THSD7A: variants seen among roughly 807,000 people sequenced by gnomAD.
THSD7A encodes the protein thrombospondin type-1 domain-containing protein 7A.
A neutral mutation model predicts 231.3 loss-of-function variants in THSD7A; 96 were observed. The ratio of observed to expected loss-of-function variants is 0.41; its 90% CI spans 0.35 to 0.49. The LOEUF (loss-of-function observed/expected upper bound fraction) is 0.49, where lower values mean the gene tolerates loss of function less well. Among genes scored for constraint, THSD7A ranks in the 20% least tolerant of loss-of-function variants. The probability of loss-of-function intolerance (pLI) is 0.05; values close to 1 mark genes in which losing one functional copy is unlikely to be tolerated. For synonymous variants in THSD7A, 940 were observed against 743.3 expected (o/e 1.26, Z -4.30); for missense variants, 2,290 against 2,070.2 (o/e 1.11, Z -2.06).
chr7:11,790,086 C>A (rs1783904158), intron 1 of THSD7A, among the ~76,000 whole-genome samples: 1 of 151,848 alleles, frequency 6.6e-6, no homozygotes, highest in South Asian at 2.1e-4. Flanking sequence ...AAAAGACATA[C>A]TTTTTGAGGT....
chr7:11,760,965 AATTTATAT>A (rs1400073644), intron 1 of THSD7A, among the ~76,000 whole-genome samples: 4 of 148,130 alleles, frequency 2.7e-5, no homozygotes, highest in Middle Eastern at 3.6e-3. Context: ...TATAAATTAT[AATTTATAT>A]ATTTATATAT....
intron 1 of THSD7A, among the ~76,000 whole-genome samples, chr7:11,812,803 T>A (rs944537379): frequency 1.3e-5 from 2 of 152,176 alleles, no homozygotes; most frequent in Admixed American, 1.3e-4. Context: ...TTTAGGTATA[T>A]CATAACATCA....
At chr7:11,461,868 A>C in intron 10 of THSD7A, 143 bp downstream of exon 10, 1 of 1,049,316 alleles carries the variant, frequency 9.5e-7, no homozygotes, top group Non-Finnish European at 1.4e-6. Flanking sequence ...AGAGACAAGA[A>C]TGGCAGCTAC....
intron 4 of THSD7A, among the ~76,000 whole-genome samples, chr7:11,548,461 A>G (rs2128325220): frequency 6.6e-6 from 1 of 152,236 alleles, no homozygotes; most frequent in East Asian, 1.9e-4. Context: ...TGATCCTACT[A>G]AAACTATTCC....
At chr7:11,507,446 C>T (rs1418894100) in intron 6 of THSD7A, among the ~76,000 whole-genome samples, 1 of 152,014 alleles carries the variant, frequency 6.6e-6, no homozygotes, top group African/African-American at 2.4e-5. Flanking sequence ...TATGCTGAAT[C>T]CATAAATTCA....
intron 6 of THSD7A, among the ~76,000 whole-genome samples, chr7:11,533,778 T>C (rs1445472543): frequency 1.3e-5 from 2 of 152,106 alleles, no homozygotes; most frequent in East Asian, 1.9e-4. Context: ...AGCTAATCCA[T>C]GCAGGACTTA....
Position 11,406,258 on chromosome 7 carries a change from GA to G in THSD7A, c.4237+41del. The G allele has an allele frequency of 6.4e-7, 1 of 1,557,346 alleles. No individual in the cohort carries two copies. Among genetic ancestry groups the G allele is most frequent in the Non-Finnish European group, 8.7e-7 (1 of 1,153,750 alleles). On this transcript the variant is annotated intron_variant, in intron 22 of 27. Transcript: ENST00000423059. This position sits in a 1 kb window ranked among gnomAD's most constrained non-coding sequence, Gnocchi z 4.7. ...AACCCCTTCACGGCCCTTGTCCTAG[GA>G]AAAAATAATCAGAATATGAATTCTC...
intron 1 of THSD7A, among the ~76,000 whole-genome samples, chr7:11,768,930 T>G (rs949245473): frequency 7.7e-5 from 11 of 143,160 alleles, no homozygotes; most frequent in Non-Finnish European, 1.1e-4. Flanking sequence ...CATAATCCAT[T>G]TAATGGTTTT....
At chr7:11,651,539 CT>C (rs1782509517) in intron 1 of THSD7A, among the ~76,000 whole-genome samples, 1 of 151,416 alleles carries the variant, frequency 6.6e-6, no homozygotes. Context: ...CTACAATGAA[CT>C]ATAGCCCACC....
chr7:11,605,142 T>C (rs1388377911), intron 2 of THSD7A, among the ~76,000 whole-genome samples: 2 of 152,116 alleles, frequency 1.3e-5, no homozygotes, highest in South Asian at 4.1e-4. Context: ...AATTGACATA[T>C]TTAAACTCTC....
At chr7:11,679,098 C>T (rs1012792963) in intron 1 of THSD7A, among the ~76,000 whole-genome samples, 7 of 152,092 alleles carry the variant, frequency 4.6e-5, no homozygotes, top group African/African-American at 1.7e-4. Context: ...TGACAAAAAC[C>T]ACATGATTAT....
chr7:11,521,492 A>T (rs1423636975), intron 6 of THSD7A, among the ~76,000 whole-genome samples: 2,074 of 127,296 alleles, frequency 0.016, 218 homozygotes, highest in Non-Finnish European at 0.024. Flanking sequence ...TTATTTATTT[A>T]TTTATTTTTT....
chr7:11,676,160 C>T (rs1783627869), intron 1 of THSD7A, among the ~76,000 whole-genome samples: 1 of 152,162 alleles, frequency 6.6e-6, no homozygotes, highest in African/African-American at 2.4e-5. Flanking sequence ...TCCAGCAGAC[C>T]TGCAGAAGAG....
chr7:11,573,535 T>C (rs1447541325), intron 4 of THSD7A, among the ~76,000 whole-genome samples: 1 of 152,244 alleles, frequency 6.6e-6, no homozygotes. Flanking sequence ...CACGGTCTTC[T>C]GGCTTGTTGG....
At chr7:11,620,478 T>G (rs1781266764) in intron 2 of THSD7A, among the ~76,000 whole-genome samples, 2 of 152,094 alleles carry the variant, frequency 1.3e-5, no homozygotes, top group South Asian at 4.1e-4. Flanking sequence ...AAAAAGACAT[T>G]ATCAACATGA....
chr7:11,424,619 A>G (rs979220341), intron 16 of THSD7A, 77 bp downstream of exon 16: 3 of 1,577,972 alleles, frequency 1.9e-6, no homozygotes, highest in Non-Finnish European at 2.6e-6. Context: ...GGGAGGAGTG[A>G]ACAGTCATGT....
chr7:11,489,747 A>C (rs10232236), intron 6 of THSD7A, among the ~76,000 whole-genome samples: 117,320 of 151,922 alleles, frequency 0.77, 45,334 homozygotes, highest in South Asian at 0.84. Flanking sequence ...TAAAAATATT[A>C]CTGCAAGAGT....
rs146470656 is a variant in THSD7A, at chr7:11,387,559, G to C, written c.4412-4943C>G. 8.4e-3 allele frequency among the ~76,000 whole-genome samples: 1,283 copies of C among 152,270 alleles called. 19 individuals are homozygous for C. The highest frequency in any genetic ancestry group is 0.029 in the African/African-American group (1,215 of 41,540). On this transcript the variant is annotated intron_variant, in intron 23 of 27. Coordinates refer to ENST00000423059, the MANE Select transcript of THSD7A (RefSeq NM_015204.3). ...CTTGTGATTTTTGCACATTGATTTT[G>C]TATCCTGAGACTTTGCTGAAGTTGC...
At chr7:11,661,831 T>C (rs569525427) in intron 1 of THSD7A, among the ~76,000 whole-genome samples, 11 of 151,440 alleles carry the variant, frequency 7.3e-5, no homozygotes, top group African/African-American at 2.2e-4. Context: ...TAAATGTGTA[T>C]AGAATTAAAA....
Sources: allele counts gnomAD v4.1 joint callset (sites outside exome capture counted in the v4.1 genomes callset), GRCh38; gene constraint gnomAD v4.1.1; non-coding constraint Gnocchi (gnomAD v3.1); transcripts MANE v1.5; gene names NCBI Gene and HGNC (gene_info 2026-07-23, HGNC 2026-07-21).